SYN3: variants seen among roughly 807,000 people sequenced by gnomAD.
The protein encoded by SYN3 is synapsin III, also known as synapsin-3.
SYN3 carries 35 observed loss-of-function variants against 65.8 expected under a neutral mutation model. The observed-to-expected ratio is 0.53, with a 90% CI of 0.41 to 0.70. The LOEUF (loss-of-function observed/expected upper bound fraction) is 0.70. Among genes scored for constraint, SYN3 ranks in the 30% least tolerant of loss-of-function variants. SYN3 has a pLI of 0.00. For missense variants in SYN3, 680 were observed against 749.0 expected (o/e 0.91, Z 1.08); for synonymous variants, 270 against 292.9 (o/e 0.92, Z 0.80).
chr22:32,960,116 T>A (rs1223478746), intron 3 of SYN3, among the ~76,000 whole-genome samples: 1 of 152,244 alleles, frequency 6.6e-6, no homozygotes, highest in African/African-American at 2.4e-5. Context: ...GTCTGTATTC[T>A]GATGCTTTGA....
chr22:32,543,419 A>G (rs2058289383), intron 7 of SYN3, among the ~76,000 whole-genome samples: 2 of 152,164 alleles, frequency 1.3e-5, no homozygotes, highest in South Asian at 4.1e-4. Context: ...GTTCTACCAC[A>G]ACGGACCTAA....
chr22:32,843,559 T>C (rs1235564532), intron 6 of SYN3, among the ~76,000 whole-genome samples: 2 of 152,198 alleles, frequency 1.3e-5, no homozygotes, highest in Non-Finnish European at 2.9e-5. Flanking sequence ...TGGGAGATGA[T>C]AAAATACACA....
In SYN3 at chr22:32,726,274, C is replaced by T. The variant is rs538270071; in HGVS notation, c.712-129538G>A. On this transcript the variant is annotated intron_variant, in intron 6 of 13. Coordinates refer to ENST00000358763, the MANE Select transcript of SYN3 (RefSeq NM_003490.4). The stretch of plus-strand genomic sequence containing the variant: ...TCTCTTGCCTCAGCTTCCCAAGTAG[C>T]TGGGATTATAGGCATACGCCACCAC... Among the ~76,000 whole-genome samples, 18 of 152,258 alleles carry T rather than the reference C, an allele frequency of 1.2e-4. No homozygotes were observed. The South Asian group carries it at 3.7e-3, about 32-fold the overall frequency.
intron 6 of SYN3, among the ~76,000 whole-genome samples, chr22:32,729,500 A>G (rs1909050030): frequency 6.6e-6 from 1 of 152,252 alleles, no homozygotes; most frequent in Admixed American, 6.5e-5. Context: ...ACTGGGAACT[A>G]CAGTGATGGG....
Position 32,508,959 on chromosome 22 carries a change from T to C in SYN3, c.*4733A>G, listed in dbSNP as rs1482333777. Among the ~76,000 whole-genome samples, 1 of 152,180 alleles carries C rather than the reference T, an allele frequency of 6.6e-6. No individual in the cohort carries two copies. Among genetic ancestry groups the C allele is most frequent in the East Asian group, 1.9e-4 (1 of 5,194 alleles). Reference sequence around the variant, plus strand: ...TGTGAGTGAAGACCTATCATCCCCTTAAATTTTGGAAAGATAGAATTGAGT... The same window carrying C: ...TGTGAGTGAAGACCTATCATCCCCTCAAATTTTGGAAAGATAGAATTGAGT... On this transcript the variant is annotated 3_prime_UTR_variant, in exon 14 of 14. Transcript: ENST00000358763.
chr22:33,006,232 C>A (rs1467176596), intron 2 of SYN3, 120 bp downstream of exon 2: 1 of 1,206,402 alleles, frequency 8.3e-7, no homozygotes. Flanking sequence ...TTCTCTCCAG[C>A]CAGGCTCTGA....
chr22:32,536,842 T>C (rs1021841262), intron 9 of SYN3, among the ~76,000 whole-genome samples: 12 of 152,172 alleles, frequency 7.9e-5, no homozygotes, highest in Admixed American at 7.9e-4. Flanking sequence ...TACCTGACAC[T>C]GTATATCTGG....
intron 6 of SYN3, among the ~76,000 whole-genome samples, chr22:32,663,643 T>A (rs2060249846): frequency 1.3e-5 from 2 of 152,192 alleles, no homozygotes; most frequent in Non-Finnish European, 2.9e-5. Context: ...GGTATGTCTT[T>A]ATTAGCAGTG....
intron 4 of SYN3, among the ~76,000 whole-genome samples, chr22:32,906,882 C>T (rs2049918685): frequency 6.6e-6 from 1 of 152,096 alleles, no homozygotes; most frequent in South Asian, 2.1e-4. Context: ...GTATATGTGC[C>T]ACATTTTCTT....
intron 6 of SYN3, among the ~76,000 whole-genome samples, chr22:32,759,514 T>C (rs1187781600): frequency 6.6e-6 from 1 of 152,168 alleles, no homozygotes; most frequent in African/African-American, 2.4e-5. Context: ...CTTGACATTT[T>C]GGAATGTAAT....
chr22:32,985,624 C>T (rs2052503516), intron 2 of SYN3, among the ~76,000 whole-genome samples: 1 of 152,144 alleles, frequency 6.6e-6, no homozygotes. Context: ...AATTTGGGTA[C>T]CTTTCCTGGA....
At chr22:32,713,095 G>C (rs999446616) in intron 6 of SYN3, among the ~76,000 whole-genome samples, 1 of 152,088 alleles carries the variant, frequency 6.6e-6, no homozygotes, top group South Asian at 2.1e-4. Context: ...CAGGACAGAT[G>C]CTTGGTCATT....
chr22:32,507,961 T>C lies in SYN3; in HGVS notation c.*5731A>G, dbSNP rs531202239. On this transcript the variant is annotated 3_prime_UTR_variant, in exon 14 of 14. Transcript: ENST00000358763. Reference sequence around the variant, plus strand: ...CCCCTAATCCCACTCGAAGCAGCCCTGAGAAACATCGCCCATTCTCTCTCC... The same window carrying C: ...CCCCTAATCCCACTCGAAGCAGCCCCGAGAAACATCGCCCATTCTCTCTCC... Among the ~76,000 whole-genome samples the C allele has an allele frequency of 0.016, 2,453 of 152,002 alleles. 69 individuals carry two copies. The highest frequency in any genetic ancestry group is 0.057 in the African/African-American group (2,363 of 41,296).
chr22:32,596,837 G>T, intron 6 of SYN3, 101 bp from the exon 7 acceptor site: 1 of 1,209,976 alleles, frequency 8.3e-7, no homozygotes, highest in Non-Finnish European at 1.2e-6. Flanking sequence ...ATTTCATATG[G>T]TCGGGAATCC....
At chr22:32,850,781 G>A (rs1487251185) in intron 6 of SYN3, among the ~76,000 whole-genome samples, 3 of 152,116 alleles carry the variant, frequency 2.0e-5, no homozygotes, top group Admixed American at 1.3e-4. Context: ...TGTCTAATAC[G>A]GGCATGAGGG....
intron 6 of SYN3, among the ~76,000 whole-genome samples, chr22:32,692,262 C>T (rs1043633246): frequency 1.3e-4 from 19 of 150,914 alleles, no homozygotes; most frequent in Non-Finnish European, 2.4e-4. Context: ...GTAGGTCCTT[C>T]AGTTTAGAAA....
intron 2 of SYN3, among the ~76,000 whole-genome samples, chr22:32,983,109 A>T (rs1470549594): frequency 1.3e-5 from 2 of 152,184 alleles, no homozygotes; most frequent in Admixed American, 1.3e-4. Flanking sequence ...GTTCTTGGTG[A>T]CTTGCTGTGA....
chr22:32,798,159 A>G (rs1450088684), intron 6 of SYN3, among the ~76,000 whole-genome samples: 1 of 152,182 alleles, frequency 6.6e-6, no homozygotes, highest in Non-Finnish European at 1.5e-5. Context: ...ACAAACCTGT[A>G]TTGCTTCTGA....
intron 1 of SYN3, among the ~76,000 whole-genome samples, chr22:33,044,196 G>A (rs1385117185): frequency 6.6e-6 from 1 of 152,206 alleles, no homozygotes; most frequent in Non-Finnish European, 1.5e-5. Flanking sequence ...GAGTCTGTGA[G>A]CTTCAACGCA....
Sources: gnomAD v4.1 joint callset for allele counts (sites outside exome capture counted in the v4.1 genomes callset) on GRCh38, gnomAD v4.1.1 for gene constraint, MANE v1.5 for transcripts, NCBI Gene and HGNC (gene_info 2026-07-23, HGNC 2026-07-21) for gene names.